NADK: variants seen among roughly 807,000 people sequenced by gnomAD.
NADK encodes NAD kinase, also known as poly(P)/ATP NAD kinase.
NADK carries 22 observed loss-of-function variants against 49.8 expected under a neutral mutation model. That is an observed-to-expected ratio of 0.44 (90% CI 0.32 to 0.63). NADK has a LOEUF of 0.63. Ranked by LOEUF, NADK falls within the 30% of genes least tolerant of loss-of-function variation. The pLI is 0.06. For missense variants in NADK, 438 were observed against 609.4 expected, an observed-to-expected ratio of 0.72 and a Z score of 2.96; for synonymous variants, 268 against 253.7, an observed-to-expected ratio of 1.06 and a Z score of -0.54.
chr1:1,771,737 G>A (rs994333297), intron 1 of NADK, among the ~76,000 whole-genome samples: 3 of 152,026 alleles, frequency 2.0e-5, no homozygotes, highest in Non-Finnish European at 2.9e-5. Context: ...TATTAACTCA[G>A]AATGGATTAT....
intron 3 of NADK, chr1:1,759,672 G>C: frequency 5.3e-6 from 8 of 1,500,132 alleles, no homozygotes; most frequent in Non-Finnish European, 7.2e-6. Context: ...CCCAGAGGGG[G>C]CGTGCTCCCA....
intron 3 of NADK, chr1:1,761,673 T>C (rs973335453): frequency 2.9e-5 from 10 of 348,494 alleles, no homozygotes; most frequent in African/African-American, 2.0e-4. Flanking sequence ...TCGCCTGCCG[T>C]CCACTTTCTC....
In NADK at chr1:1,761,939, C is replaced by T; in HGVS notation, c.263+13G>A. ...CTTCCAAGAACCCCCCGTCCTGGGG[C>T]CCCAGCACTCACATGATGGTCTGGG... On this transcript the variant is annotated intron_variant, in intron 3 of 11. Transcript: ENST00000341426. 6.2e-7 allele frequency: 1 copy of T among 1,613,706 alleles called. No individual in the cohort carries two copies. Among genetic ancestry groups the T allele is most frequent in the Middle Eastern group, 1.7e-4 (1 of 6,056 alleles).
chr1:1,757,152 C>CCCGCCCCCCA, intron 4 of NADK, 29 bp downstream of exon 4: 4 of 1,482,520 alleles, frequency 2.7e-6, no homozygotes, highest in Non-Finnish European at 3.7e-6. Flanking sequence ...ATGTGCACCC[C>CCCGCCCCCCA]AGGCCCCCTT....
intron 1 of NADK, among the ~76,000 whole-genome samples, chr1:1,769,746 AAAAAG>A (rs933202056): frequency 6.6e-6 from 1 of 151,938 alleles, no homozygotes; most frequent in Non-Finnish European, 1.5e-5. Context: ...AGAAAAAAAA[AAAAAG>A]AAAAAAGACA....
At chr1:1,759,619 G>T in intron 3 of NADK, 1 of 1,218,424 alleles carries the variant, frequency 8.2e-7, no homozygotes, top group East Asian at 2.6e-5. Flanking sequence ...CCCCTCCACA[G>T]CGGGGATGGG....
chr1:1,755,381 C>A lies in NADK; in HGVS notation c.681G>T (p.Val227=), dbSNP rs754148271. The A allele has an allele frequency of 6.2e-7, 1 of 1,612,548 alleles. No homozygotes were observed. Among genetic ancestry groups the A allele is most frequent in the Non-Finnish European group, 8.5e-7 (1 of 1,178,560 alleles). Residue 227 remains valine, a synonymous_variant, in exon 7 of 12, where the codon GTG becomes GTT. Transcript: ENST00000341426. ...FENFQSQVTQ[V]IEGNAAVVLR... Reference sequence around the variant, plus strand: ...CAGAACATTCCAACTCACCCTCTATCACCTGAGTAACTTGGGACTGAAAGT... The same window carrying A: ...CAGAACATTCCAACTCACCCTCTATAACCTGAGTAACTTGGGACTGAAAGT...
At chr1:1,767,490 T>C (rs897368722) in intron 1 of NADK, among the ~76,000 whole-genome samples, 4 of 152,024 alleles carry the variant, frequency 2.6e-5, no homozygotes, top group Non-Finnish European at 5.9e-5. Flanking sequence ...TAAAACAAGC[T>C]TCAGAAGAAC....
Position 1,765,371 on chromosome 1 carries a change from CT to C in NADK, c.35del (p.Lys12ArgfsTer3). On this transcript the variant is annotated frameshift_variant, in exon 2 of 12. Transcript: ENST00000341426. LOFTEE classifies it high-confidence loss of function. ...AAGCAGCCGCGTCTGGACTCAATTCCTTATTCATGGTCATTTTTTCTTGTTC... is the reference window on the plus strand; with the variant it reads ...AAGCAGCCGCGTCTGGACTCAATTCCTATTCATGGTCATTTTTTCTTGTTC... ...EMEQEKMTMN[K>X]ELSPDAAAYC... is the part of the protein sequence containing the mutation. The C allele has an allele frequency of 1.2e-5, 19 of 1,608,090 alleles. No individual in the cohort carries two copies. The highest frequency in any genetic ancestry group is 1.6e-5 in the Non-Finnish European group (19 of 1,176,600).
In NADK at chr1:1,752,585, C is replaced by A. The variant is rs1198062461; in HGVS notation, c.*319G>T. 3.7e-6 allele frequency: 1 copy of A among 272,130 alleles called. No individual in the cohort carries two copies. The highest frequency in any genetic ancestry group is 2.2e-5 in the African/African-American group (1 of 45,696). 16.9% of individuals were successfully genotyped at this position (272,130 alleles called of 1,614,324 possible). ...TCATTCTGACTCCTCTGAATTTCAA[C>A]CGACTGATTTGCGGAAAAATATCCT... On this transcript the variant is annotated 3_prime_UTR_variant, in exon 12 of 12. Transcript: ENST00000341426.
intron 3 of NADK, among the ~76,000 whole-genome samples, chr1:1,757,576 T>C (rs1231038634): frequency 6.6e-6 from 1 of 151,728 alleles, no homozygotes; most frequent in Non-Finnish European, 1.5e-5. Flanking sequence ...GGCACCACGC[T>C]GACCCAAGTG....
chr1:1,752,585 C>T lies in NADK; in HGVS notation c.*319G>A, dbSNP rs1198062461. ...TCATTCTGACTCCTCTGAATTTCAACCGACTGATTTGCGGAAAAATATCCT... is the reference window on the plus strand; with the variant it reads ...TCATTCTGACTCCTCTGAATTTCAATCGACTGATTTGCGGAAAAATATCCT... On this transcript the variant is annotated 3_prime_UTR_variant, in exon 12 of 12. Coordinates refer to ENST00000341426, the MANE Select transcript of NADK (RefSeq NM_023018.5). The T allele has an allele frequency of 3.7e-6, 1 of 272,248 alleles. No homozygotes were observed. Among genetic ancestry groups the T allele is most frequent in the Non-Finnish European group, 6.9e-6 (1 of 144,360 alleles). 16.9% of individuals were successfully genotyped at this position (272,248 alleles called of 1,614,324 possible).
chr1:1,754,695 T>C lies in NADK; in HGVS notation c.692A>G (p.Asn231Ser), dbSNP rs763714307. 1 of 1,611,416 alleles carries C rather than the reference T, an allele frequency of 6.2e-7. No homozygotes were observed. The highest frequency in any genetic ancestry group is 1.1e-5 in the South Asian group (1 of 90,812). The change falls in exon 8 of 12, where the codon AAC becomes AGC. Residue 231 changes from asparagine (N) to serine (S), a missense_variant. Physicochemically the swap from Asn to Ser is conservative, Grantham distance 46. Coordinates refer to ENST00000341426, the MANE Select transcript of NADK (RefSeq NM_023018.5). The surrounding 1 kb of genome is among the most constrained non-coding windows in gnomAD (Gnocchi z 4.3). ...QSQVTQVIEG[N>S]AAVVLRSRLK... Reference sequence around the variant, plus strand: ...CCGACTCCGGAGAACAACAGCTGCGTTCCCTGAGGTCCAGCAGGAGTCAGA... The same window carrying C: ...CCGACTCCGGAGAACAACAGCTGCGCTCCCTGAGGTCCAGCAGGAGTCAGA...
chr1:1,770,280 T>C (rs1646009409), intron 1 of NADK, among the ~76,000 whole-genome samples: 2 of 152,144 alleles, frequency 1.3e-5, no homozygotes, highest in African/African-American at 4.8e-5. Flanking sequence ...AGGACTATAC[T>C]AGAGGCCACA....
Position 1,752,732 on chromosome 1 carries a change from T to G in NADK, c.*172A>C. ...TTAGAAATGCAAAAAAAGTCAGACATTTTAAAAAAACAGCTGATCTGGACA... is the reference window on the plus strand; with the variant it reads ...TTAGAAATGCAAAAAAAGTCAGACAGTTTAAAAAAACAGCTGATCTGGACA... On this transcript the variant is annotated 3_prime_UTR_variant, in exon 12 of 12. Coordinates refer to ENST00000341426, the MANE Select transcript of NADK (RefSeq NM_023018.5). 1 of 741,348 alleles carries G rather than the reference T, an allele frequency of 1.3e-6. No homozygotes were observed. The highest frequency in any genetic ancestry group is 2.1e-6 in the Non-Finnish European group (1 of 475,158). 45.9% of individuals were successfully genotyped at this position (741,348 alleles called of 1,614,324 possible).
chr1:1,757,030 C>G (rs4648623), intron 4 of NADK, 151 bp downstream of exon 4: 1,081,661 of 1,227,300 alleles, frequency 0.88, 483,216 homozygotes, highest in Non-Finnish European at 0.93. Context: ...CCCAGACACC[C>G]GGCAGATCCC....
intron 1 of NADK, among the ~76,000 whole-genome samples, chr1:1,772,902 G>A (rs1045405072): frequency 1.3e-5 from 2 of 151,628 alleles, no homozygotes; most frequent in East Asian, 2.0e-4. Flanking sequence ...TCAGCCCGGC[G>A]TGGTGGCGCA....
chr1:1,764,926 G>A (rs752273675), intron 2 of NADK, among the ~76,000 whole-genome samples: 9 of 152,296 alleles, frequency 5.9e-5, no homozygotes, highest in South Asian at 2.1e-4. Context: ...CTCCAAGTGC[G>A]CTTCAGTCTA....
chr1:1,754,323 A>G lies in NADK; in HGVS notation c.904T>C (p.Tyr302His). The change falls in exon 9 of 12, where the codon TAC becomes CAC. Residue 302 changes from tyrosine (Y) to histidine (H), a missense_variant. Coordinates refer to ENST00000341426, the MANE Select transcript of NADK (RefSeq NM_023018.5). This position sits in a 1 kb window ranked among gnomAD's most constrained non-coding sequence, Gnocchi z 4.3. ...GTGGTGATGAGGTGTCCGTCCAGGT[A>G]GACATCCACATTGGACAGGTAGGAG... is the stretch of plus-strand genomic sequence containing the variant. ...PSSYLSNVDV[Y>H]LDGHLITTVQ... 6.2e-7 allele frequency: 1 copy of G among 1,613,902 alleles called. No homozygotes were observed. Among genetic ancestry groups the G allele is most frequent in the Non-Finnish European group, 8.5e-7 (1 of 1,179,958 alleles).
Sources: allele counts gnomAD v4.1 joint callset (sites outside exome capture counted in the v4.1 genomes callset), GRCh38; gene constraint gnomAD v4.1.1; non-coding constraint Gnocchi (gnomAD v3.1); transcripts MANE v1.5; gene names NCBI Gene and HGNC (gene_info 2026-07-23, HGNC 2026-07-21).